C11orf65: variants seen among roughly 807,000 people sequenced by gnomAD.
The protein encoded by C11orf65 is chromosome 11 open reading frame 65.
In C11orf65, 38 loss-of-function variants were observed where a neutral mutation model predicts 35.3. The observed-to-expected ratio is 1.08, with a 90% confidence interval of 0.83 to 1.41. The LOEUF is 1.41. Ranked by LOEUF, C11orf65 falls within the 40% of genes most tolerant of loss-of-function variation. The pLI is 0.00. For synonymous variants in C11orf65, 105 were observed against 114.4 expected, an observed-to-expected ratio of 0.92 and a Z score of 0.53; for missense variants, 370 against 367.1, an observed-to-expected ratio of 1.01 and a Z score of -0.06.
At chr11:108,464,211 G>C (rs1294529941) in intron 1 of C11orf65, among the ~76,000 whole-genome samples, 1 of 152,124 alleles carries the variant, frequency 6.6e-6, no homozygotes, top group Non-Finnish European at 1.5e-5. Context: ...ACAGGCATAA[G>C]CCATTGCGCT....
chr11:108,440,372 A>C (rs11822807), intron 2 of C11orf65, among the ~76,000 whole-genome samples: 4,031 of 152,320 alleles, frequency 0.026, 186 homozygotes, highest in African/African-American at 0.092. Flanking sequence ...TCTCATCTCC[A>C]CAATGACTGA....
In C11orf65 at chr11:108,365,176, C is replaced by G. The variant is rs150008868; in HGVS notation, c.226+28032G>C. ...CCGGAAGATGAAACTGAGCTTCACC[C>G]TACTCTGAATGCAGATGACCAAGAA... On this transcript the variant is annotated intron_variant, in intron 2 of 3. Coordinates refer to the C11orf65 transcript ENST00000524755. The G allele has an allele frequency of 6.2e-7, 1 of 1,614,054 alleles. No homozygotes were observed. Among genetic ancestry groups the G allele is most frequent in the African/African-American group, 1.3e-5 (1 of 74,918 alleles).
chr11:108,351,120 TATA>T (rs1053609841), intron 2 of C11orf65, among the ~76,000 whole-genome samples: 4 of 152,298 alleles, frequency 2.6e-5, no homozygotes, highest in East Asian at 1.9e-4. Context: ...CTCTCACAAA[TATA>T]ATGCTAAGTG....
chr11:108,432,646 C>T (rs1457178756), intron 2 of C11orf65, among the ~76,000 whole-genome samples: 4 of 152,030 alleles, frequency 2.6e-5, no homozygotes, highest in African/African-American at 9.7e-5. Flanking sequence ...TATGTTAAAG[C>T]AAATAAAATA....
intron 6 of C11orf65, among the ~76,000 whole-genome samples, chr11:108,395,972 G>C (rs1051896160): frequency 2.0e-5 from 3 of 152,030 alleles, no homozygotes; most frequent in African/African-American, 7.2e-5. Flanking sequence ...TCTATGTAAA[G>C]CATTTAGAAC....
rs1157772894 is a variant in C11orf65, at chr11:108,365,099, A to C, written c.226+28109T>G. 1.2e-6 allele frequency: 2 copies of C among 1,613,984 alleles called. No homozygotes were observed. Among genetic ancestry groups the C allele is most frequent in the Admixed American group, 3.3e-5 (2 of 59,992 alleles). On this transcript the variant is annotated intron_variant, in intron 2 of 3. Transcript: ENST00000524755. ...CTGTTTAGGTCCTTCTATATGATCC[A>C]CTCTTTGACTGGACCATGAATCCTT...
At chr11:108,395,827 G>A (rs1173429680) in intron 6 of C11orf65, among the ~76,000 whole-genome samples, 3 of 144,348 alleles carry the variant, frequency 2.1e-5, no homozygotes, top group African/African-American at 5.2e-5. Flanking sequence ...TTCACCGTGT[G>A]AGCCCGGATG....
chr11:108,408,734 GAT>G (rs2092602164), intron 3 of C11orf65, among the ~76,000 whole-genome samples: 1 of 68,708 alleles, frequency 1.5e-5, no homozygotes, highest in Non-Finnish European at 3.3e-5. Flanking sequence ...AAAATAAAAT[GAT>G]ATAAGAATTG....
At chr11:108,346,816 G>A (rs1186459918) in intron 2 of C11orf65, among the ~76,000 whole-genome samples, 1 of 152,022 alleles carries the variant, frequency 6.6e-6, no homozygotes, top group Admixed American at 6.6e-5. Context: ...TACACACCTG[G>A]TGAAATGAAT....
At chr11:108,357,466 C>G (rs1468578797) in intron 2 of C11orf65, among the ~76,000 whole-genome samples, 1 of 152,234 alleles carries the variant, frequency 6.6e-6, no homozygotes, top group Non-Finnish European at 1.5e-5. Flanking sequence ...ACCTGCCTGC[C>G]TCTGTAGGCT....
At chr11:108,447,097 T>C (rs575691630) in intron 2 of C11orf65, among the ~76,000 whole-genome samples, 57 of 152,184 alleles carry the variant, frequency 3.7e-4, no homozygotes, top group Middle Eastern at 3.4e-3. Context: ...CCTAAATATA[T>C]ATGCACCCAA....
rs2092214621 is a variant in C11orf65 at position 108,393,334 on chromosome 11, G to A, written c.605C>T (p.Thr202Ile). 6 of 1,613,890 alleles carry A rather than the reference G, an allele frequency of 3.7e-6. No homozygotes were observed. Residue 202 changes from threonine (T) to isoleucine (I), a missense_variant, in exon 7 of 9, where the codon ACT (threonine) becomes ATT (isoleucine). By Grantham distance (89) the Thr-to-Ile change is moderately conservative. Transcript: ENST00000393084. ...SLEAKSTHHE[T>I]LGLIHTATKG... ...TGTTGCAGTGTGAATTAGTCCTAGA[G>A]TTTCATGATGTGTTGACTTAGCCTC...
rs186999471 is a variant in C11orf65, at chr11:108,425,912, A to G, written c.174+5834T>C. 3.9e-3 allele frequency among the ~76,000 whole-genome samples: 598 copies of G among 152,334 alleles called. 1 individual carries two copies. The highest frequency in any genetic ancestry group is 0.014 in the African/African-American group (563 of 41,572). On this transcript the variant is annotated intron_variant, in intron 3 of 8. Coordinates refer to ENST00000393084, the MANE Select transcript of C11orf65 (RefSeq NM_152587.5). The stretch of plus-strand genomic sequence containing the variant: ...TTACAAAAACCACGTGATTATCTCA[A>G]TAGATGCAGAAAAGGCCTTTGATAA...
intron 6 of C11orf65, chr11:108,325,593 A>G: frequency 6.8e-7 from 1 of 1,465,026 alleles, no homozygotes; most frequent in Non-Finnish European, 9.5e-7. Context: ...CTTTCCTTTT[A>G]TTATTTAAAA....
At chr11:108,398,803 T>C (rs1023599180) in intron 6 of C11orf65, among the ~76,000 whole-genome samples, 2 of 152,230 alleles carry the variant, frequency 1.3e-5, no homozygotes, top group Non-Finnish European at 2.9e-5. Flanking sequence ...TGAAATAAAA[T>C]GATGACGATG....
intron 2 of C11orf65, among the ~76,000 whole-genome samples, chr11:108,349,887 A>C (rs999685805): frequency 5.1e-4 from 78 of 152,186 alleles, no homozygotes; most frequent in African/African-American, 1.9e-3. Flanking sequence ...TTTAGATTGG[A>C]GGCATGTTAG....
chr11:108,341,639 G>A lies in C11orf65; in HGVS notation c.227-6347C>T, dbSNP rs546543847. On this transcript the variant is annotated intron_variant, in intron 2 of 3. Coordinates refer to the C11orf65 transcript ENST00000524755. Reference sequence around the variant, plus strand: ...ATAGAACTAAAGACACCATAAGGACGAGTGACCAGCTGAGAAAACGAATAT... The same window carrying A: ...ATAGAACTAAAGACACCATAAGGACAAGTGACCAGCTGAGAAAACGAATAT... Among the ~76,000 whole-genome samples the A allele has an allele frequency of 2.6e-4, 40 of 152,216 alleles. 1 individual carries two copies. The South Asian group carries it at 7.3e-3, about 28-fold the overall frequency.
chr11:108,396,560 G>A (rs900530593), intron 6 of C11orf65, among the ~76,000 whole-genome samples: 9 of 151,910 alleles, frequency 5.9e-5, no homozygotes, highest in Admixed American at 2.0e-4. Context: ...GGCCGGTTGC[G>A]GTGGCTTATG....
At chr11:108,355,696 G>A (rs1335509520) in intron 2 of C11orf65, 2 of 152,160 alleles carry the variant, frequency 1.3e-5, no homozygotes, top group East Asian at 3.9e-4. Flanking sequence ...AAACATTGAT[G>A]CTGATCAAAT....
Sources: gnomAD v4.1 joint callset for allele counts (sites outside exome capture counted in the v4.1 genomes callset) on GRCh38, gnomAD v4.1.1 for gene constraint, MANE v1.5 for transcripts, NCBI Gene and HGNC (gene_info 2026-07-23, HGNC 2026-07-21) for gene names.